Variants in RALGAPA1 observed in about 807,000 individuals in gnomAD.
The protein encoded by RALGAPA1 is Ral GTPase activating protein catalytic subunit alpha 1, also known as ral GTPase-activating protein subunit alpha-1.
A neutral mutation model predicts 269.6 loss-of-function variants in RALGAPA1; 52 were observed. The observed-to-expected ratio is 0.19, with a 90% CI of 0.15 to 0.24. RALGAPA1 has a LOEUF of 0.24. RALGAPA1 is among the 10% of genes least tolerant of loss of function. The probability of loss-of-function intolerance (pLI) is 1.00; values close to 1 mark genes in which losing one functional copy is unlikely to be tolerated. For synonymous variants in RALGAPA1, 817 were observed against 1,008.3 expected (o/e 0.81, Z 3.60); for missense variants, 1,917 against 3,013.9 (o/e 0.64, Z 8.52).
At position 35,651,915 on chromosome 14, in the gene RALGAPA1, C is replaced by A; in HGVS notation, c.5608-42G>T. The A allele has an allele frequency of 2.0e-6, 3 of 1,486,428 alleles. No individual in the cohort carries two copies. The South Asian group carries it at 3.9e-5, about 19-fold the overall frequency. 92.1% of individuals were successfully genotyped at this position (1,486,428 alleles called of 1,614,324 possible). A position where few individuals can be genotyped will look rare whatever the true frequency, so the allele number is the denominator to read the frequency against. On this transcript the variant is annotated intron_variant, in intron 30 of 41. Transcript: ENST00000680220. ...ATTTTTTTAAAAGCTCTATATATGT[C>A]AAATTAATGGTACATCCTAAAACTT...
At chr14:35,579,205 C>T (rs900294629) in intron 37 of RALGAPA1, among the ~76,000 whole-genome samples, 1 of 152,048 alleles carries the variant, frequency 6.6e-6, no homozygotes, top group East Asian at 1.9e-4. Flanking sequence ...ATGAGTTTGA[C>T]ATGTTGGAAG....
intron 1 of RALGAPA1, among the ~76,000 whole-genome samples, chr14:35,778,349 T>C (rs2075195252): frequency 6.6e-6 from 1 of 152,208 alleles, no homozygotes; most frequent in African/African-American, 2.4e-5. Flanking sequence ...ACACCTGGCA[T>C]AGTAACTTTT....
In RALGAPA1 at chr14:35,689,774, C is replaced by G; in HGVS notation, c.2637G>C (p.Glu879Asp). ...CAGTGGATCTAGTTATTGAAGAAGC[C>G]TCTGTGGAACTCTGCAAGCTTGGTG... ...RHAPSLQSSTEASSITRSTES... is the reference protein window; with the variant it reads ...RHAPSLQSSTDASSITRSTES... Residue 879 changes from glutamate (E) to aspartate (D), a missense_variant, in exon 18 of 42, where the codon GAG becomes GAC. Glu to Asp is a conservative substitution (Grantham distance 45). This residue lies in a region of RALGAPA1 where 615 missense variants were observed against 790.0 expected (regional missense o/e 0.78). Coordinates refer to ENST00000680220, the MANE Select transcript of RALGAPA1 (RefSeq NM_001346249.2). The G allele has an allele frequency of 4.0e-6, 6 of 1,515,010 alleles. No homozygotes were observed. The highest frequency in any genetic ancestry group is 5.3e-6 in the Non-Finnish European group (6 of 1,139,860). The allele number at this position is 1,515,010 out of a possible 1,614,324, so 93.8% of individuals were successfully genotyped here. A position where few individuals can be genotyped will look rare whatever the true frequency, so the allele number is the denominator to read the frequency against.
intron 1 of RALGAPA1, among the ~76,000 whole-genome samples, chr14:35,784,709 C>T (rs932750622): frequency 2.0e-5 from 3 of 151,732 alleles, no homozygotes; most frequent in African/African-American, 7.3e-5. Context: ...ATTTTTTTTT[C>T]CTAAGTCTAG....
intron 26 of RALGAPA1, among the ~76,000 whole-genome samples, chr14:35,668,450 T>G (rs2064134411): frequency 6.6e-6 from 1 of 151,212 alleles, no homozygotes; most frequent in African/African-American, 2.4e-5. Flanking sequence ...ATTACTGCAC[T>G]CCAGTCCGAG....
intron 26 of RALGAPA1, among the ~76,000 whole-genome samples, chr14:35,665,425 ATTGTT>A (rs1386135666): frequency 1.3e-5 from 2 of 152,194 alleles, no homozygotes; most frequent in Admixed American, 6.5e-5. Context: ...CTACTAATAT[ATTGTT>A]TTATTTACTA....
intron 38 of RALGAPA1, among the ~76,000 whole-genome samples, chr14:35,571,760 C>T (rs2057220927): frequency 6.6e-6 from 1 of 152,082 alleles, no homozygotes; most frequent in South Asian, 2.1e-4. Flanking sequence ...GTAAAAAAAC[C>T]CAAAACCAAA....
chr14:35,755,061 G>A (rs2073051193), intron 7 of RALGAPA1, among the ~76,000 whole-genome samples: 1 of 152,074 alleles, frequency 6.6e-6, no homozygotes. Context: ...AATTACAAAG[G>A]GATCCAAGGG....
intron 28 of RALGAPA1, among the ~76,000 whole-genome samples, chr14:35,657,087 CT>C (rs1454211273): frequency 6.6e-6 from 1 of 152,104 alleles, no homozygotes; most frequent in Non-Finnish European, 1.5e-5. Context: ...TACACCCCCC[CT>C]CCACAAGATG....
At chr14:35,690,767 C>T (rs2066407757) in intron 17 of RALGAPA1, among the ~76,000 whole-genome samples, 1 of 152,098 alleles carries the variant, frequency 6.6e-6, no homozygotes, top group African/African-American at 2.4e-5. Context: ...TGGCTTCTTA[C>T]ATCTCTTTTT....
In RALGAPA1 at chr14:35,683,938, C is replaced by T. The variant is rs2065685280; in HGVS notation, c.4342G>A (p.Asp1448Asn). The T allele has an allele frequency of 6.2e-7, 1 of 1,613,512 alleles. No individual in the cohort carries two copies. Among genetic ancestry groups the T allele is most frequent in the Non-Finnish European group, 8.5e-7 (1 of 1,179,678 alleles). ...DTGVTSSADV[D>N]SGSGHHQSAE... The stretch of plus-strand genomic sequence containing the variant: ...CTCTGATGATGGCCAGAACCTGAAT[C>T]CACATCAGCAGAGGACGTAACCCCA... The change falls in exon 21 of 42, where the codon GAT becomes AAT. Residue 1448 changes from aspartate (D) to asparagine (N), a missense_variant. Asp to Asn is a conservative substitution (Grantham distance 23). Transcript: ENST00000680220.
chr14:35,617,383 T>C (rs941980624), intron 35 of RALGAPA1, among the ~76,000 whole-genome samples: 1 of 152,122 alleles, frequency 6.6e-6, no homozygotes, highest in Non-Finnish European at 1.5e-5. Context: ...TTTGGGAGGC[T>C]GAGGCAGGCA....
chr14:35,799,196 C>G (rs1018669190), intron 1 of RALGAPA1, among the ~76,000 whole-genome samples: 2 of 152,082 alleles, frequency 1.3e-5, no homozygotes, highest in African/African-American at 4.8e-5. Flanking sequence ...GAAGTAAATT[C>G]TTACAAGGTT....
intron 31 of RALGAPA1, among the ~76,000 whole-genome samples, chr14:35,639,983 G>A (rs1364183751): frequency 6.6e-6 from 1 of 151,114 alleles, no homozygotes; most frequent in Non-Finnish European, 1.5e-5. Context: ...CTTCCTGAAT[G>A]ATCTGTGGGT....
chr14:35,595,170 G>A (rs1055939341), intron 37 of RALGAPA1, among the ~76,000 whole-genome samples: 7 of 151,736 alleles, frequency 4.6e-5, no homozygotes, highest in African/African-American at 1.7e-4. Flanking sequence ...ATGAAATTGG[G>A]ACAAGGAGCT....
intron 37 of RALGAPA1, among the ~76,000 whole-genome samples, chr14:35,591,646 C>T (rs529881199): frequency 1.3e-5 from 2 of 152,188 alleles, no homozygotes; most frequent in East Asian, 3.9e-4. Context: ...TTTTTCCTCT[C>T]CCTCAATCAA....
intron 1 of RALGAPA1, among the ~76,000 whole-genome samples, chr14:35,788,273 CAGTT>C (rs1178164603): frequency 6.6e-6 from 1 of 152,046 alleles, no homozygotes; most frequent in Non-Finnish European, 1.5e-5. Flanking sequence ...ACCTGGTACT[CAGTT>C]TGTTTTTTTA....
intron 35 of RALGAPA1, among the ~76,000 whole-genome samples, chr14:35,620,307 A>G (rs1286872988): frequency 3.3e-5 from 5 of 152,174 alleles, no homozygotes; most frequent in Non-Finnish European, 5.9e-5. Flanking sequence ...ACAAAATTCA[A>G]CAGCTCTTCA....
chr14:35,705,721 T>G (rs1397791869), intron 16 of RALGAPA1, among the ~76,000 whole-genome samples: 1 of 152,212 alleles, frequency 6.6e-6, no homozygotes, highest in Non-Finnish European at 1.5e-5. Context: ...ATGTTTAGGT[T>G]TGAAAGAAAC....
Sources: allele counts gnomAD v4.1 joint callset (sites outside exome capture counted in the v4.1 genomes callset), GRCh38; gene constraint gnomAD v4.1.1; regional missense constraint gnomAD v4.1.1; transcripts MANE v1.5; gene names NCBI Gene and HGNC (gene_info 2026-07-23, HGNC 2026-07-21).